Variants in HECW1 observed in about 807,000 individuals in gnomAD.
The protein encoded by HECW1 is HECT, C2 and WW domain containing E3 ubiquitin protein ligase 1.
A neutral mutation model predicts 182.3 loss-of-function variants in HECW1; 61 were observed. The observed-to-expected ratio is 0.33, with a 90% confidence interval of 0.27 to 0.41. The LOEUF is 0.41. Among genes scored for constraint, HECW1 ranks in the 10% least tolerant of loss-of-function variants. The pLI, the probability that HECW1 is intolerant of heterozygous loss-of-function variation, is 1.00. For missense variants in HECW1, 1,739 were observed against 2,108.9 expected, an observed-to-expected ratio of 0.82 and a Z score of 3.44; for synonymous variants, 859 against 832.6, an observed-to-expected ratio of 1.03 and a Z score of -0.55.
chr7:43,451,978 A>C (rs1465116431), intron 12 of HECW1, among the ~76,000 whole-genome samples: 5 of 152,220 alleles, frequency 3.3e-5, no homozygotes, highest in Non-Finnish European at 7.3e-5. Flanking sequence ...TGTACTTTAC[A>C]GGAACACCAC....
intron 2 of HECW1, among the ~76,000 whole-genome samples, chr7:43,164,100 A>G (rs2152659998): frequency 6.6e-6 from 1 of 152,146 alleles, no homozygotes; most frequent in South Asian, 2.1e-4. Flanking sequence ...AGTGGGAATG[A>G]AAGGGAGCCA....
At chr7:43,364,997 G>T (rs1221853926) in intron 6 of HECW1, among the ~76,000 whole-genome samples, 2 of 152,206 alleles carry the variant, frequency 1.3e-5, no homozygotes, top group Non-Finnish European at 2.9e-5. Flanking sequence ...CAAAGACAGG[G>T]TGGGTAAACT....
intron 5 of HECW1, among the ~76,000 whole-genome samples, chr7:43,329,495 G>A (rs1020737376): frequency 1.3e-5 from 2 of 152,044 alleles, no homozygotes; most frequent in African/African-American, 4.8e-5. Context: ...GGAAGGGGCT[G>A]ATTCAGAAAG....
chr7:43,544,616 C>G (rs556247590), intron 26 of HECW1, among the ~76,000 whole-genome samples: 1 of 152,058 alleles, frequency 6.6e-6, no homozygotes, highest in Non-Finnish European at 1.5e-5. Flanking sequence ...TTTGTCCTAC[C>G]GATACATTAA....
chr7:43,518,671 G>A (rs1483959562), intron 24 of HECW1, among the ~76,000 whole-genome samples: 1 of 152,018 alleles, frequency 6.6e-6, no homozygotes, highest in African/African-American at 2.4e-5. Context: ...TTGAAAAAAA[G>A]AGGAGATACA....
Position 43,221,979 on chromosome 7 carries a change from C to G in HECW1, c.-31-21896C>G, listed in dbSNP as rs564563170. Reference sequence around the variant, plus strand: ...TAGTCCTTAGACCAGAGTGTCCTCACCTGGTAGCTCAATAAAAATGCTTAG... The same window carrying G: ...TAGTCCTTAGACCAGAGTGTCCTCAGCTGGTAGCTCAATAAAAATGCTTAG... On this transcript the variant is annotated intron_variant, in intron 2 of 29. Coordinates refer to ENST00000395891, the MANE Select transcript of HECW1 (RefSeq NM_015052.5). Among the ~76,000 whole-genome samples the G allele has an allele frequency of 2.6e-5, 4 of 152,298 alleles. No individual in the cohort carries two copies. In the East Asian group the frequency reaches 7.7e-4, roughly 29 times the overall value.
intron 2 of HECW1, among the ~76,000 whole-genome samples, chr7:43,199,628 C>G (rs1018830615): frequency 6.6e-6 from 1 of 151,836 alleles, no homozygotes; most frequent in African/African-American, 2.4e-5. Context: ...TTGTAAGCAT[C>G]GAGTTTTTAT....
rs951780636 is a variant in HECW1 at position 43,456,346 on chromosome 7, C to T, written c.2550C>T (p.His850=). ...DSHGRVFYVD[H]VNRTTTWQRP... The stretch of plus-strand genomic sequence containing the variant: ...ACGGGCGGGTCTTTTATGTGGACCA[C>T]GTGAACCGCACAACCACCTGGCAGC... Residue 850 remains histidine, a synonymous_variant, in exon 13 of 30, where the codon CAC becomes CAT. Transcript: ENST00000395891. 8.7e-6 allele frequency: 14 copies of T among 1,613,872 alleles called. No individual in the cohort carries two copies. The highest frequency in any genetic ancestry group is 5.0e-5 in the Admixed American group (3 of 59,984).
intron 2 of HECW1, among the ~76,000 whole-genome samples, chr7:43,233,589 G>A (rs540309880): frequency 6.6e-6 from 1 of 152,166 alleles, no homozygotes; most frequent in Non-Finnish European, 1.5e-5. Flanking sequence ...TTTTATGAAA[G>A]CTTCCAAAAT....
chr7:43,168,954 C>T (rs958225764), intron 2 of HECW1, among the ~76,000 whole-genome samples: 1 of 152,176 alleles, frequency 6.6e-6, no homozygotes, highest in African/African-American at 2.4e-5. Flanking sequence ...TGATAATAAA[C>T]TGAAATGGTG....
At position 43,320,723 on chromosome 7, in the gene HECW1, C is replaced by G; in HGVS notation, c.441C>G (p.Ala147=). ...GCCAGATCATCTGGAAGATCGATGC[C>G]AGCTCGTACTTTGTGGAACGTGAGT... is the stretch of plus-strand genomic sequence containing the variant. ...HRGQIIWKID[A]SSYFVEPETK... Residue 147 remains alanine (A), a synonymous_variant, in exon 5 of 30, where the codon GCC becomes GCG. Coordinates refer to ENST00000395891, the MANE Select transcript of HECW1 (RefSeq NM_015052.5). 1 of 1,613,668 alleles carries G rather than the reference C, an allele frequency of 6.2e-7. No individual in the cohort carries two copies. Among genetic ancestry groups the G allele is most frequent in the African/African-American group, 1.3e-5 (1 of 75,028 alleles).
chr7:43,503,447 A>G (rs534827491), intron 21 of HECW1, among the ~76,000 whole-genome samples: 2 of 152,350 alleles, frequency 1.3e-5, no homozygotes, highest in East Asian at 3.9e-4. Context: ...ACATCATTAT[A>G]TGGGAGAGAT....
chr7:43,189,395 C>T (rs80071700), intron 2 of HECW1, among the ~76,000 whole-genome samples: 3 of 152,072 alleles, frequency 2.0e-5, no homozygotes, highest in Non-Finnish European at 4.4e-5. Context: ...ACAGATTACA[C>T]AGTGAATAGC....
At chr7:43,141,605 T>C (rs1788163930) in intron 2 of HECW1, among the ~76,000 whole-genome samples, 1 of 152,086 alleles carries the variant, frequency 6.6e-6, no homozygotes, top group Admixed American at 6.6e-5. Flanking sequence ...TTCAAGCAGT[T>C]CTCCTGCCTC....
intron 19 of HECW1, among the ~76,000 whole-genome samples, chr7:43,495,461 T>A (rs1239378157): frequency 6.6e-6 from 1 of 152,194 alleles, no homozygotes; most frequent in Admixed American, 6.5e-5. Context: ...CTCGAAGATA[T>A]TTTTAGATCT....
intron 7 of HECW1, among the ~76,000 whole-genome samples, chr7:43,402,314 C>T (rs553216191): frequency 6.6e-6 from 1 of 152,288 alleles, no homozygotes; most frequent in East Asian, 1.9e-4. Context: ...TAGATGCTAC[C>T]GCGGGGCCGG....
intron 2 of HECW1, chr7:43,239,022 G>T (rs981909401): frequency 4.6e-5 from 7 of 152,208 alleles, no homozygotes; most frequent in Admixed American, 1.3e-4. Context: ...AAAGACAATA[G>T]ATTGGGACAA....
intron 2 of HECW1, among the ~76,000 whole-genome samples, chr7:43,218,593 G>A (rs1056263270): frequency 5.3e-5 from 8 of 152,212 alleles, no homozygotes; most frequent in Admixed American, 4.6e-4. Context: ...GGAAGGCACA[G>A]CAAAGCTGGC....
At chr7:43,132,186 G>A (rs1244779511) in intron 2 of HECW1, among the ~76,000 whole-genome samples, 1 of 150,270 alleles carries the variant, frequency 6.7e-6, no homozygotes, top group African/African-American at 2.5e-5. Context: ...CCCAAGTAAG[G>A]TTTTGGTGTT....
Sources: allele counts gnomAD v4.1 joint callset (sites outside exome capture counted in the v4.1 genomes callset), GRCh38; gene constraint gnomAD v4.1.1; transcripts MANE v1.5; gene names NCBI Gene and HGNC (gene_info 2026-07-23, HGNC 2026-07-21).